Variants in NKD2 observed in about 807,000 individuals in gnomAD.
NKD2 encodes the protein NKD inhibitor of Wnt signaling pathway 2.
A neutral mutation model predicts 34.8 loss-of-function variants in NKD2; 43 were observed. The ratio of observed to expected loss-of-function variants is 1.24; its 90% CI spans 0.97 to 1.60. The LOEUF is 1.60. NKD2 is among the 40% of genes most tolerant of loss of function. The pLI is 0.00. For missense variants in NKD2, 675 were observed against 627.1 expected, an observed-to-expected ratio of 1.08 and a Z score of -0.82; for synonymous variants, 278 against 265.1, an observed-to-expected ratio of 1.05 and a Z score of -0.47.
intron 3 of NKD2, among the ~76,000 whole-genome samples, chr5:1,028,528 C>A (rs1267234668): frequency 6.6e-6 from 1 of 152,056 alleles, no homozygotes. Flanking sequence ...TTCCTGTCCT[C>A]CCAGGGGCCA....
Position 1,033,479 on chromosome 5 carries a change from G to A in NKD2, c.310G>A (p.Gly104Arg), listed in dbSNP as rs539120897. 67 of 1,551,320 alleles carry A rather than the reference G, an allele frequency of 4.3e-5. No homozygotes were observed. In the East Asian group the frequency reaches 1.3e-3, roughly 31 times the overall value. ...CCGCGAGGGCCCGCGAGGACCGGGC[G>A]GGCAGCGCCTCAACATTGACGTGGG... ...ANREGPRGPG[G>R]QRLNIDALQC... Residue 104 changes from glycine to arginine, a missense_variant, in exon 5 of 10, where the codon GGG becomes AGG. By Grantham distance (125) the Gly-to-Arg change is moderately radical. Transcript: ENST00000296849.
chr5:1,013,040 T>C (rs960475752), intron 3 of NKD2, among the ~76,000 whole-genome samples: 7 of 152,312 alleles, frequency 4.6e-5, no homozygotes, highest in African/African-American at 1.7e-4. Context: ...CAAGGCAGTG[T>C]GGACCATACT....
At chr5:1,022,211 G>A (rs56006100) in intron 3 of NKD2, among the ~76,000 whole-genome samples, 54,812 of 142,810 alleles carry the variant, frequency 0.38, 11,252 homozygotes, top group Middle Eastern at 0.46. Context: ...CTTCCCACCC[G>A]CTGTGGGTGT....
At chr5:1,033,314 C>G (rs191445101) in intron 4 of NKD2, 58 bp from the exon 5 acceptor site, 3 of 1,481,906 alleles carry the variant, frequency 2.0e-6, no homozygotes, top group Non-Finnish European at 2.8e-6. Flanking sequence ...TCCCCAATGG[C>G]GGGCCACATC....
At position 1,009,219 on chromosome 5, in the gene NKD2, GC is replaced by G; in HGVS notation, c.61+6del. On this transcript the variant is annotated splice_donor_region_variant and intron_variant, in intron 2 of 9. Transcript: ENST00000296849. The surrounding 1 kb of genome is among the most constrained non-coding windows in gnomAD (Gnocchi z 6.9). ...AGCGGAGAGAGAGCCCGGAAGGTGA[GC>G]GGGCGAGCCGACGGGCGGGGCGGGG... 1.9e-6 allele frequency: 1 copy of G among 518,794 alleles called. No homozygotes were observed. The highest frequency in any genetic ancestry group is 3.4e-6 in the Non-Finnish European group (1 of 296,204). The allele number at this position is 518,794 out of a possible 1,614,324, so 32.1% of individuals were successfully genotyped here.
In NKD2 at chr5:1,033,038, G is replaced by A. The variant is rs941815100; in HGVS notation, c.203-334G>A. Among the ~76,000 whole-genome samples the A allele has an allele frequency of 6.7e-5, 10 of 149,344 alleles. 1 individual carries two copies. Among genetic ancestry groups the A allele is most frequent in the African/African-American group, 2.2e-4 (9 of 41,304 alleles). On this transcript the variant is annotated intron_variant, in intron 4 of 9. Coordinates refer to ENST00000296849, the MANE Select transcript of NKD2 (RefSeq NM_033120.4). The stretch of plus-strand genomic sequence containing the variant: ...GGGCCGGAGGGACTGTGTCTATGGG[G>A]AGGGGGCCCAATGATGACACAGGGA...
Position 1,036,274 on chromosome 5 carries a change from C to CCCAA in NKD2, c.680_681insACCA (p.Cys229AlafsTer27), listed in dbSNP as rs1561000762. ...CCAAGCAGGAGGCCCAGTACTGACCCCCAGCCCTGCTCGGAGCGGGGGCCC... is the reference window on the plus strand; with the variant it reads ...CCAAGCAGGAGGCCCAGTACTGACCCCCAACCAGCCCTGCTCGGAGCGGGGGCCC... On this transcript the variant is annotated frameshift_variant, in exon 9 of 10. Coordinates refer to ENST00000296849, the MANE Select transcript of NKD2 (RefSeq NM_033120.4). LOFTEE classifies it high-confidence loss of function. 1 of 1,609,288 alleles carries CCCAA rather than the reference C, an allele frequency of 6.2e-7. No homozygotes were observed. The highest frequency in any genetic ancestry group is 8.5e-7 in the Non-Finnish European group (1 of 1,177,968).
chr5:1,023,826 C>T (rs367847822), intron 3 of NKD2, among the ~76,000 whole-genome samples: 1 of 6,214 alleles, frequency 1.6e-4, no homozygotes, highest in African/African-American at 1.7e-4. Flanking sequence ...TGTGGGCGTC[C>T]CAGCCCATTG....
At chr5:1,029,439 C>T (rs370498411) in intron 3 of NKD2, among the ~76,000 whole-genome samples, 9 of 152,248 alleles carry the variant, frequency 5.9e-5, no homozygotes, top group Admixed American at 5.2e-4. Context: ...GTGTAGCGCG[C>T]GGAGCGTTTC....
intron 3 of NKD2, among the ~76,000 whole-genome samples, chr5:1,014,736 C>T (rs1345402368): frequency 6.6e-6 from 1 of 152,198 alleles, no homozygotes; most frequent in Non-Finnish European, 1.5e-5. Flanking sequence ...GGAGTCTGGG[C>T]CAAGGGCTCC....
chr5:1,020,110 A>G (rs928109835), intron 3 of NKD2, among the ~76,000 whole-genome samples: 1 of 152,222 alleles, frequency 6.6e-6, no homozygotes, highest in Non-Finnish European at 1.5e-5. Context: ...AGACAAAGAC[A>G]GTAGCAGGCG....
At position 1,035,429 on chromosome 5, in the gene NKD2, A is replaced by G; in HGVS notation, c.615A>G (p.Ala205=). The G allele has an allele frequency of 6.4e-7, 1 of 1,559,142 alleles. No individual in the cohort carries two copies. Among genetic ancestry groups the G allele is most frequent in the Non-Finnish European group, 8.7e-7 (1 of 1,151,408 alleles). ...PTRCRMEGEL[A]EEPRVADRRL... is the part of the protein sequence containing the mutation. ...GTTGCAGGATGGAGGGTGAACTGGCAGAGGAGCCAAGGGTGGCTGACAGGA... is the reference window on the plus strand; with the variant it reads ...GTTGCAGGATGGAGGGTGAACTGGCGGAGGAGCCAAGGGTGGCTGACAGGA... Residue 205 remains alanine (A), a synonymous_variant, in exon 8 of 10, where the codon GCA becomes GCG. Transcript: ENST00000296849.
At position 1,034,284 on chromosome 5, in the gene NKD2, C is replaced by G. The variant is rs142131496; in HGVS notation, c.380C>G (p.Thr127Arg). Residue 127 changes from threonine to arginine, a missense_variant, in exon 6 of 10, where the codon ACG becomes AGG. Physicochemically the swap from Thr to Arg is moderately conservative, Grantham distance 71. Coordinates refer to ENST00000296849, the MANE Select transcript of NKD2 (RefSeq NM_033120.4). ...GAGGAGGACGACCGCCAGGAGTGGACGTTCACGCTCTATGACTTTGACAAC... is the reference window on the plus strand; with the variant it reads ...GAGGAGGACGACCGCCAGGAGTGGAGGTTCACGCTCTATGACTTTGACAAC... The part of the protein sequence containing the change: ...SVEEDDRQEW[T>R]FTLYDFDNCG... 1 of 1,612,634 alleles carries G rather than the reference C, an allele frequency of 6.2e-7. No individual in the cohort carries two copies. The highest frequency in any genetic ancestry group is 1.3e-5 in the African/African-American group (1 of 74,900).
chr5:1,021,112 A>G (rs1181413774), intron 3 of NKD2, among the ~76,000 whole-genome samples: 1 of 152,188 alleles, frequency 6.6e-6, no homozygotes, highest in Non-Finnish European at 1.5e-5. Flanking sequence ...GCTTGTGAGG[A>G]CATCTGAGTA....
intron 9 of NKD2, 51 bp from the exon 10 acceptor site, chr5:1,037,754 G>A (rs1014077451): frequency 1.9e-6 from 3 of 1,567,470 alleles, no homozygotes; most frequent in Non-Finnish European, 2.6e-6. Context: ...TGAGGAGATG[G>A]GAACCTGAGC....
At position 1,036,311 on chromosome 5, in the gene NKD2, C is replaced by T. The variant is rs368562849; in HGVS notation, c.714C>T (p.Asp238=). Residue 238 remains aspartate (D), a synonymous_variant, in exon 9 of 10, where the codon GAC becomes GAT. Coordinates refer to ENST00000296849, the MANE Select transcript of NKD2 (RefSeq NM_033120.4). ...CGGAGCGGGGGCCCTACTGCGTGGA[C>T]GAGAACACGGAGCGCAGAAACCACT... is the stretch of plus-strand genomic sequence containing the variant. The part of the protein sequence containing the change: ...PCSERGPYCV[D]ENTERRNHYL... 2.6e-5 allele frequency: 42 copies of T among 1,612,684 alleles called. 1 individual carries two copies. Among genetic ancestry groups the T allele is most frequent in the Non-Finnish European group, 3.1e-5 (37 of 1,179,802 alleles).
In NKD2 at chr5:1,038,362, C is replaced by A. The variant is rs554186415; in HGVS notation, c.1345C>A (p.His449Asn). 5 of 1,535,972 alleles carry A rather than the reference C, an allele frequency of 3.3e-6. No individual in the cohort carries two copies. In the South Asian group the frequency reaches 5.9e-5, roughly 18 times the overall value. Reference protein sequence around the residue: ...HHHHHHHHHFHPS With the variant: ...HHHHHHHHHFNPS ...CCACCACCACCACCACCACCACTTC[C>A]ACCCGTCCTAGCGCCACTGCCAAGC... The change falls in exon 10 of 10, where the codon CAC becomes AAC. Residue 449 changes from histidine (H) to asparagine (N), a missense_variant. Transcript: ENST00000296849. This position sits in a 1 kb window ranked among gnomAD's most constrained non-coding sequence, Gnocchi z 4.5.
chr5:1,016,527 T>C (rs887468046), intron 3 of NKD2, among the ~76,000 whole-genome samples: 3 of 152,252 alleles, frequency 2.0e-5, no homozygotes, highest in African/African-American at 7.2e-5. Flanking sequence ...GCACGAAATA[T>C]TGTAATACAA....
intron 3 of NKD2, among the ~76,000 whole-genome samples, chr5:1,030,001 G>C (rs1431104721): frequency 6.6e-6 from 1 of 150,902 alleles, no homozygotes; most frequent in Non-Finnish European, 1.5e-5. Context: ...GGTGCCTGAG[G>C]GGGGATTGTG....
Sources: allele counts gnomAD v4.1 joint callset (sites outside exome capture counted in the v4.1 genomes callset), GRCh38; gene constraint gnomAD v4.1.1; non-coding constraint Gnocchi (gnomAD v3.1); transcripts MANE v1.5; gene names NCBI Gene and HGNC (gene_info 2026-07-23, HGNC 2026-07-21).